ADAMTS6: variants seen among roughly 807,000 people sequenced by gnomAD.
ADAMTS6 encodes the protein ADAM metallopeptidase with thrombospondin type 1 motif 6.
Under a neutral mutation model 144.3 loss-of-function variants are expected in ADAMTS6, and 23 were observed. The ratio of observed to expected loss-of-function variants is 0.16; its 90% CI spans 0.11 to 0.23. ADAMTS6 has a LOEUF of 0.23. Ranked by LOEUF, ADAMTS6 falls within the 10% of genes least tolerant of loss-of-function variation. The pLI is 1.00. For synonymous variants in ADAMTS6, 444 were observed against 457.5 expected, an observed-to-expected ratio of 0.97 and a Z score of 0.38; for missense variants, 999 against 1,379.6, an observed-to-expected ratio of 0.72 and a Z score of 4.37.
chr5:65,416,962 A>G (rs1755585711), intron 7 of ADAMTS6, among the ~76,000 whole-genome samples: 1 of 152,030 alleles, frequency 6.6e-6, no homozygotes, highest in Non-Finnish European at 1.5e-5. Context: ...TGATTAACAC[A>G]GGAGCAAAAA....
chr5:65,348,244 C>T (rs551758889), intron 7 of ADAMTS6, among the ~76,000 whole-genome samples: 15 of 152,144 alleles, frequency 9.9e-5, no homozygotes, highest in African/African-American at 3.6e-4. Context: ...GTAGCTAAGA[C>T]ATGAAATCAA....
chr5:65,286,662 A>AG (rs1741698459), intron 11 of ADAMTS6, among the ~76,000 whole-genome samples: 1 of 152,218 alleles, frequency 6.6e-6, no homozygotes, highest in Non-Finnish European at 1.5e-5. Flanking sequence ...TTGTTAACCT[A>AG]TACTGAACCA....
intron 14 of ADAMTS6, among the ~76,000 whole-genome samples, chr5:65,255,896 G>GTC (rs1760612709): frequency 6.6e-6 from 1 of 151,600 alleles, no homozygotes; most frequent in Non-Finnish European, 1.5e-5. Flanking sequence ...TTGAGTCAGG[G>GTC]TCTCACTGTC....
At chr5:65,441,129 A>G (rs561445995) in intron 7 of ADAMTS6, among the ~76,000 whole-genome samples, 6 of 152,346 alleles carry the variant, frequency 3.9e-5, no homozygotes, top group Non-Finnish European at 7.3e-5. Context: ...TAAAGCCTAG[A>G]GATCTGAAAG....
intron 7 of ADAMTS6, among the ~76,000 whole-genome samples, chr5:65,402,587 C>G (rs1327214599): frequency 6.6e-6 from 1 of 152,052 alleles, no homozygotes; most frequent in Non-Finnish European, 1.5e-5. Flanking sequence ...CAGAAGGAAA[C>G]TTCCAGATGC....
chr5:65,214,687 G>A lies in ADAMTS6; in HGVS notation c.2575+107C>T. ...CTAAATTACAGCTTGAAGCAAACCT[G>A]CAAGAAATGTTTCCAATTAGCTTTT... On this transcript the variant is annotated intron_variant, in intron 20 of 24. Coordinates refer to ENST00000381055, the MANE Select transcript of ADAMTS6 (RefSeq NM_197941.4). The surrounding 1 kb of genome is among the most constrained non-coding windows in gnomAD (Gnocchi z 4.6). 6.5e-7 allele frequency: 1 copy of A among 1,530,632 alleles called. No homozygotes were observed. The highest frequency in any genetic ancestry group is 9.0e-7 in the Non-Finnish European group (1 of 1,112,448). The allele number at this position is 1,530,632 out of a possible 1,614,324, so 94.8% of individuals were successfully genotyped here. A position where few individuals can be genotyped will look rare whatever the true frequency, so the allele number is the denominator to read the frequency against.
chr5:65,171,677 A>T (rs1187279689), intron 23 of ADAMTS6, among the ~76,000 whole-genome samples: 1 of 152,106 alleles, frequency 6.6e-6, no homozygotes, highest in Non-Finnish European at 1.5e-5. Flanking sequence ...AATAGCAGTG[A>T]CAGGCGTGGA....
chr5:65,301,694 C>A (rs964910185), intron 9 of ADAMTS6, among the ~76,000 whole-genome samples: 1 of 140,698 alleles, frequency 7.1e-6, no homozygotes, highest in Non-Finnish European at 1.6e-5. Flanking sequence ...AACGAGGGTG[C>A]CGGATAAACA....
At chr5:65,468,890 A>G (rs1168179218) in intron 3 of ADAMTS6, among the ~76,000 whole-genome samples, 2 of 152,216 alleles carry the variant, frequency 1.3e-5, no homozygotes, top group African/African-American at 4.8e-5. Flanking sequence ...TACATTTCTC[A>G]AATACCATTA....
intron 11 of ADAMTS6, among the ~76,000 whole-genome samples, chr5:65,287,571 C>T (rs1408111668): frequency 6.6e-6 from 1 of 152,112 alleles, no homozygotes; most frequent in Admixed American, 6.6e-5. Flanking sequence ...GCTCTTGTTG[C>T]CCAGGCTGGA....
At chr5:65,378,088 T>C (rs11738854) in intron 7 of ADAMTS6, among the ~76,000 whole-genome samples, 18,200 of 152,112 alleles carry the variant, frequency 0.12, 1,203 homozygotes, top group African/African-American at 0.16. Flanking sequence ...TCTCAGCTAC[T>C]TACATCTGCA....
At chr5:65,332,047 T>C (rs1338822060) in intron 8 of ADAMTS6, among the ~76,000 whole-genome samples, 1 of 151,806 alleles carries the variant, frequency 6.6e-6, no homozygotes, top group Non-Finnish European at 1.5e-5. Flanking sequence ...AGAAGTAGCA[T>C]AGGAAAACAC....
intron 9 of ADAMTS6, among the ~76,000 whole-genome samples, chr5:65,304,003 G>A (rs1179006013): frequency 6.6e-6 from 1 of 152,092 alleles, no homozygotes; most frequent in Non-Finnish European, 1.5e-5. Flanking sequence ...ATGTATGTAA[G>A]CCAACAGATT....
intron 9 of ADAMTS6, among the ~76,000 whole-genome samples, chr5:65,323,550 C>T (rs1349746461): frequency 1.3e-5 from 2 of 151,998 alleles, no homozygotes; most frequent in South Asian, 2.1e-4. Flanking sequence ...CAAGTCTTTG[C>T]TATTGTGAAT....
intron 8 of ADAMTS6, among the ~76,000 whole-genome samples, chr5:65,332,310 TATAGAGAGAG>T (rs1303125295): frequency 6.2e-5 from 7 of 113,578 alleles, no homozygotes; most frequent in Non-Finnish European, 9.7e-5. Context: ...TATATATATA[TATAGAGAGAG>T]AGAGAGAGAG....
chr5:65,216,961 A>C (rs1756973998), intron 18 of ADAMTS6, among the ~76,000 whole-genome samples: 5 of 152,292 alleles, frequency 3.3e-5, no homozygotes, highest in Admixed American at 2.0e-4. Context: ...GACCTGATAA[A>C]CAAGTAGCCC....
At chr5:65,348,168 A>G (rs72760552) in intron 7 of ADAMTS6, among the ~76,000 whole-genome samples, 7,898 of 152,200 alleles carry the variant, frequency 0.052, 263 homozygotes, top group East Asian at 0.11. Flanking sequence ...ATTTATGAGT[A>G]CATATCCAAA....
intron 7 of ADAMTS6, among the ~76,000 whole-genome samples, chr5:65,416,573 T>G (rs1294218420): frequency 1.3e-5 from 2 of 151,822 alleles, no homozygotes; most frequent in Non-Finnish European, 2.9e-5. Context: ...ATAACTAACA[T>G]GTGGTATATC....
intron 7 of ADAMTS6, 29 bp downstream of exon 7, chr5:65,451,446 A>G (rs562977120): frequency 6.2e-7 from 1 of 1,612,242 alleles, no homozygotes. Flanking sequence ...CACAACAATC[A>G]ATGGAAAAAT....
Sources: gnomAD v4.1 joint callset for allele counts (sites outside exome capture counted in the v4.1 genomes callset) on GRCh38, gnomAD v4.1.1 for gene constraint, Gnocchi (gnomAD v3.1) non-coding constraint, MANE v1.5 for transcripts, NCBI Gene and HGNC (gene_info 2026-07-23, HGNC 2026-07-21) for gene names.